The following MNAT1 variants were observed in gnomAD, a reference collection of about 807,000 sequenced individuals.
The protein encoded by MNAT1 is MNAT1 component of CDK activating kinase, also known as CDK-activating kinase assembly factor MAT1.
Under a neutral mutation model 42.0 loss-of-function variants are expected in MNAT1, and 43 were observed. The ratio of observed to expected loss-of-function variants is 1.02; its 90% confidence interval spans 0.80 to 1.32. MNAT1 has a LOEUF of 1.32. Among genes scored for constraint, MNAT1 ranks in the 40% most tolerant of loss-of-function variants. MNAT1 has a pLI of 0.00. For synonymous variants in MNAT1, 118 were observed against 120.0 expected, an observed-to-expected ratio of 0.98 and a Z score of 0.11; for missense variants, 306 against 350.4, an observed-to-expected ratio of 0.87 and a Z score of 1.01.
intron 1 of MNAT1, among the ~76,000 whole-genome samples, chr14:60,772,312 C>T (rs141120503): frequency 7.9e-4 from 121 of 152,218 alleles, no homozygotes; most frequent in African/African-American, 2.6e-3. Context: ...TGGCCGGGTG[C>T]GGTGGCTTAT....
At chr14:60,894,257 G>A (rs888635124) in intron 7 of MNAT1, among the ~76,000 whole-genome samples, 8 of 151,408 alleles carry the variant, frequency 5.3e-5, no homozygotes, top group Admixed American at 2.6e-4. Context: ...TTGCTCCTCC[G>A]TAGCAGTGGA....
At chr14:60,759,450 G>A (rs1018557757) in intron 1 of MNAT1, among the ~76,000 whole-genome samples, 7 of 152,284 alleles carry the variant, frequency 4.6e-5, no homozygotes, top group African/African-American at 1.7e-4. Flanking sequence ...ATGTAAAAAT[G>A]AGGAGACATC....
chr14:60,834,371 T>C (rs59179458), intron 6 of MNAT1, among the ~76,000 whole-genome samples: 484 of 152,358 alleles, frequency 3.2e-3, no homozygotes, highest in African/African-American at 0.011. Context: ...TTTGTTCTCA[T>C]TGGTTCAAAG....
chr14:60,807,271 T>A (rs2032401360), intron 3 of MNAT1, among the ~76,000 whole-genome samples: 1 of 152,208 alleles, frequency 6.6e-6, no homozygotes, highest in Non-Finnish European at 1.5e-5. Flanking sequence ...CAAGCAACTC[T>A]GTGTTGGTCC....
chr14:60,856,825 C>T (rs4151271), intron 6 of MNAT1, among the ~76,000 whole-genome samples: 5,242 of 151,906 alleles, frequency 0.035, 114 homozygotes, highest in Middle Eastern at 0.085. Flanking sequence ...GGACTACAGG[C>T]GCTCACCACC....
chr14:60,956,261 C>T (rs1175008169), intron 7 of MNAT1, among the ~76,000 whole-genome samples: 2 of 152,004 alleles, frequency 1.3e-5, no homozygotes, highest in African/African-American at 4.8e-5. Flanking sequence ...CTTCTTGAAC[C>T]ATTGATTGTT....
intron 1 of MNAT1, among the ~76,000 whole-genome samples, chr14:60,755,947 C>T (rs1193553842): frequency 6.6e-6 from 1 of 152,094 alleles, no homozygotes; most frequent in South Asian, 2.1e-4. Context: ...GAAATGGGAC[C>T]GCTTTCTAAA....
intron 7 of MNAT1, among the ~76,000 whole-genome samples, chr14:60,966,270 C>A (rs1041546803): frequency 2.6e-5 from 4 of 151,892 alleles, no homozygotes; most frequent in Admixed American, 1.3e-4. Flanking sequence ...CAGGCACCTG[C>A]CACTGTGCCT....
intron 6 of MNAT1, among the ~76,000 whole-genome samples, chr14:60,833,858 T>G (rs1273329655): frequency 2.0e-5 from 3 of 152,192 alleles, no homozygotes; most frequent in African/African-American, 7.2e-5. Flanking sequence ...TCAGAACTTG[T>G]TGTTGGTCTA....
At chr14:60,833,238 G>A (rs1324536373) in intron 6 of MNAT1, among the ~76,000 whole-genome samples, 1 of 152,090 alleles carries the variant, frequency 6.6e-6, no homozygotes, top group Non-Finnish European at 1.5e-5. Context: ...GTGAGAGAGG[G>A]CATCCTTGTC....
intron 6 of MNAT1, 96 bp downstream of exon 6, chr14:60,818,943 A>G (rs2032799410): frequency 2.9e-6 from 4 of 1,389,840 alleles, no homozygotes; most frequent in African/African-American, 1.4e-5. Flanking sequence ...AAATGTTCAG[A>G]TGTTTAAGAA....
intron 6 of MNAT1, among the ~76,000 whole-genome samples, chr14:60,867,368 A>G (rs1430042731): frequency 6.6e-6 from 1 of 152,114 alleles, no homozygotes; most frequent in East Asian, 1.9e-4. Flanking sequence ...CACATTTTAA[A>G]AGACAAAGAG....
intron 7 of MNAT1, among the ~76,000 whole-genome samples, chr14:60,903,190 T>C (rs185866033): frequency 2.0e-5 from 3 of 152,050 alleles, no homozygotes; most frequent in Non-Finnish European, 4.4e-5. Context: ...AATTGCATCA[T>C]GAATATATAT....
intron 1 of MNAT1, among the ~76,000 whole-genome samples, chr14:60,784,875 C>T (rs1356696058): frequency 6.7e-6 from 1 of 150,030 alleles, no homozygotes; most frequent in African/African-American, 2.5e-5. Context: ...TTTTTGAGAA[C>T]GAGTCTCAAC....
chr14:60,910,244 T>G (rs1304763108), intron 7 of MNAT1, among the ~76,000 whole-genome samples: 3 of 152,360 alleles, frequency 2.0e-5, no homozygotes, highest in Non-Finnish European at 2.9e-5. Context: ...TGGGGTTTTC[T>G]AGATATACAA....
At chr14:60,765,727 A>G (rs1161613423) in intron 1 of MNAT1, among the ~76,000 whole-genome samples, 2 of 152,174 alleles carry the variant, frequency 1.3e-5, no homozygotes, top group African/African-American at 4.8e-5. Flanking sequence ...GCTTCTATTT[A>G]TGGTTAGACT....
chr14:60,892,244 G>C (rs747825692), intron 7 of MNAT1, among the ~76,000 whole-genome samples: 1 of 152,022 alleles, frequency 6.6e-6, no homozygotes, highest in Non-Finnish European at 1.5e-5. Flanking sequence ...ATTGAGAGGG[G>C]AGTATTGAAG....
chr14:60,750,099 C>T (rs1266663552), intron 1 of MNAT1, among the ~76,000 whole-genome samples: 1 of 152,014 alleles, frequency 6.6e-6, no homozygotes, highest in Non-Finnish European at 1.5e-5. Flanking sequence ...ATTTTGTGGT[C>T]TAAGAGGGTT....
At chr14:60,794,685 G>GGTATATATATACATATGTGT (rs1555375166) in intron 1 of MNAT1, among the ~76,000 whole-genome samples, 1 of 110,922 alleles carries the variant, frequency 9.0e-6, no homozygotes, top group Non-Finnish European at 1.9e-5. Context: ...ATATAAAATA[G>GGTATATATATACATATGTGT]GTATATATAT....
Sources: gnomAD v4.1 joint callset for allele counts (sites outside exome capture counted in the v4.1 genomes callset) on GRCh38, gnomAD v4.1.1 for gene constraint, MANE v1.5 for transcripts, NCBI Gene and HGNC (gene_info 2026-07-23, HGNC 2026-07-21) for gene names.